QKI: variants seen among roughly 807,000 people sequenced by gnomAD.
QKI encodes KH domain-containing RNA-binding protein QKI.
In QKI, 10 loss-of-function variants were observed where a neutral mutation model predicts 39.0. The ratio of observed to expected loss-of-function variants is 0.26; its 90% CI spans 0.16 to 0.43. The LOEUF (loss-of-function observed/expected upper bound fraction) is 0.43. Ranked by LOEUF, QKI falls within the 20% of genes least tolerant of loss-of-function variation. The pLI, the probability that QKI is intolerant of heterozygous loss-of-function variation, is 1.00. For missense variants in QKI, 218 were observed against 428.0 expected (o/e 0.51, Z 4.33); for synonymous variants, 204 against 155.4 (o/e 1.31, Z -2.33).
intron 4 of QKI, among the ~76,000 whole-genome samples, chr6:163,557,322 T>C (rs1455497811): frequency 1.3e-5 from 2 of 152,218 alleles, no homozygotes; most frequent in East Asian, 3.8e-4. Flanking sequence ...GGAAATGTCC[T>C]GTGTCTTCAA....
chr6:163,494,938 CAG>C (rs1778309360), intron 3 of QKI, among the ~76,000 whole-genome samples: 1 of 150,914 alleles, frequency 6.6e-6, no homozygotes, highest in African/African-American at 2.4e-5. Context: ...TTTTTTGAGA[CAG>C]AGTCACACTC....
At chr6:163,471,074 A>G (rs928844088) in intron 2 of QKI, among the ~76,000 whole-genome samples, 1 of 152,182 alleles carries the variant, frequency 6.6e-6, no homozygotes, top group African/African-American at 2.4e-5. Flanking sequence ...ATGATAAAGG[A>G]GACCACACCT....
chr6:163,434,202 C>G (rs562228063), intron 1 of QKI, among the ~76,000 whole-genome samples: 3 of 152,114 alleles, frequency 2.0e-5, no homozygotes, highest in Non-Finnish European at 4.4e-5. Context: ...AATGCTGTAA[C>G]TGCCCTAACA....
At chr6:163,510,975 A>G (rs1022807367) in intron 3 of QKI, among the ~76,000 whole-genome samples, 1 of 152,220 alleles carries the variant, frequency 6.6e-6, no homozygotes, top group Non-Finnish European at 1.5e-5. Flanking sequence ...GAGAATTCTC[A>G]TTCTTTTCAC....
At chr6:163,446,719 A>T (rs1199878785) in intron 1 of QKI, among the ~76,000 whole-genome samples, 32 of 152,232 alleles carry the variant, frequency 2.1e-4, no homozygotes, top group Admixed American at 2.1e-3. Context: ...AAGTTGAAAC[A>T]AAAGTCAGTT....
chr6:163,559,314 C>G (rs1408124343), intron 4 of QKI, among the ~76,000 whole-genome samples: 2 of 152,002 alleles, frequency 1.3e-5, no homozygotes, highest in Non-Finnish European at 2.9e-5. Flanking sequence ...ACCTACTGCT[C>G]TTCTTTTTCT....
At chr6:163,533,548 A>G (rs1781002986) in intron 3 of QKI, among the ~76,000 whole-genome samples, 1 of 152,160 alleles carries the variant, frequency 6.6e-6, no homozygotes. Context: ...TTCTTGTTCC[A>G]CATTGATTTT....
At chr6:163,551,359 T>A in intron 4 of QKI, among the ~76,000 whole-genome samples, 1 of 152,296 alleles carries the variant, frequency 6.6e-6, no homozygotes, top group South Asian at 2.1e-4. Flanking sequence ...CCACAAGATG[T>A]CTCCCACTTC....
chr6:163,439,556 G>A (rs1397412363), intron 1 of QKI, among the ~76,000 whole-genome samples: 1 of 150,852 alleles, frequency 6.6e-6, no homozygotes, highest in East Asian at 1.9e-4. Flanking sequence ...GTTTCACCGT[G>A]TTGGCCAGGC....
At chr6:163,522,753 AC>A (rs1348518644) in intron 3 of QKI, among the ~76,000 whole-genome samples, 1 of 152,184 alleles carries the variant, frequency 6.6e-6, no homozygotes, top group South Asian at 2.1e-4. Flanking sequence ...ACACATAAAT[AC>A]GTATTCCTGA....
chr6:163,490,847 C>T (rs1778005913), intron 3 of QKI, among the ~76,000 whole-genome samples: 1 of 152,240 alleles, frequency 6.6e-6, no homozygotes, highest in Non-Finnish European at 1.5e-5. Flanking sequence ...ACAACTCTGC[C>T]TAGAAAGTTC....
intron 3 of QKI, among the ~76,000 whole-genome samples, chr6:163,532,124 A>T (rs1177077111): frequency 6.6e-6 from 1 of 152,222 alleles, no homozygotes; most frequent in Admixed American, 6.5e-5. Context: ...GAAAATAATT[A>T]TTCCTTTTAA....
intron 1 of QKI, among the ~76,000 whole-genome samples, chr6:163,424,039 G>T (rs1399898037): frequency 6.6e-6 from 1 of 152,184 alleles, no homozygotes; most frequent in Admixed American, 6.5e-5. Context: ...TAGCCACCAG[G>T]TAGCTACTAT....
rs115077925 is a variant in QKI at position 163,564,966 on chromosome 6, T to A, written c.934+1247T>A. The A allele has an allele frequency of 8.1e-4, 1,052 of 1,294,434 alleles. 11 individuals are homozygous for A. The African/African-American group carries it at 0.013, about 16-fold the overall frequency. The allele number at this position is 1,294,434 out of a possible 1,614,324, so 80.2% of individuals were successfully genotyped here. ...TTAATGAACTGGAGAACACTAAGAT[T>A]TAAACTCGAAAATTCGTTGTTCAAG... On this transcript the variant is annotated intron_variant, in intron 6 of 7. Coordinates refer to ENST00000361752, the MANE Select transcript of QKI (RefSeq NM_006775.3).
intron 1 of QKI, among the ~76,000 whole-genome samples, chr6:163,419,695 TC>T (rs1562412940): frequency 6.6e-6 from 1 of 152,170 alleles, no homozygotes; most frequent in Non-Finnish European, 1.5e-5. Flanking sequence ...AAAGCTAAAT[TC>T]CCCTGTAGGT....
intron 4 of QKI, among the ~76,000 whole-genome samples, chr6:163,550,627 AT>A (rs1245954595): frequency 2.0e-5 from 3 of 152,070 alleles, no homozygotes; most frequent in Non-Finnish European, 4.4e-5. Context: ...CGTACGAAAT[AT>A]TTAAAGCACC....
intron 3 of QKI, among the ~76,000 whole-genome samples, chr6:163,490,465 G>T (rs1777984071): frequency 6.6e-6 from 1 of 152,162 alleles, no homozygotes; most frequent in African/African-American, 2.4e-5. Flanking sequence ...AAGGTTGAAG[G>T]TTTTTAAAGG....
At chr6:163,569,832 A>T (rs532188930) in intron 7 of QKI, 2 of 986,544 alleles carry the variant, frequency 2.0e-6, no homozygotes, top group East Asian at 2.3e-4. Context: ...AAAATGCCTT[A>T]TTGGTATCAA....
At chr6:163,494,900 CT>C (rs1203388526) in intron 3 of QKI, among the ~76,000 whole-genome samples, 2 of 150,228 alleles carry the variant, frequency 1.3e-5, no homozygotes, top group East Asian at 3.9e-4. Flanking sequence ...CATAAGGTGT[CT>C]TTTTTTATTA....
Sources: gnomAD v4.1 joint callset for allele counts (sites outside exome capture counted in the v4.1 genomes callset) on GRCh38, gnomAD v4.1.1 for gene constraint, MANE v1.5 for transcripts, NCBI Gene and HGNC (gene_info 2026-07-23, HGNC 2026-07-21) for gene names.